Variants in CPPED1 observed in about 807,000 individuals in gnomAD.
CPPED1 encodes the protein calcineurin like phosphoesterase domain containing 1.
CPPED1 carries 28 observed loss-of-function variants against 28.0 expected under a neutral mutation model. That is an observed-to-expected ratio of 1.00 (90% CI 0.74 to 1.37). The LOEUF (loss-of-function observed/expected upper bound fraction) is 1.37. CPPED1 is among the 40% of genes most tolerant of loss of function. The probability of loss-of-function intolerance (pLI) is 0.00; values close to 1 mark genes in which losing one functional copy is unlikely to be tolerated. For synonymous variants in CPPED1, 198 were observed against 180.2 expected (o/e 1.10, Z -0.79); for missense variants, 504 against 416.5 (o/e 1.21, Z -1.83).
chr16:12,678,232 G>A (rs532942364), intron 3 of CPPED1, among the ~76,000 whole-genome samples: 1 of 152,314 alleles, frequency 6.6e-6, no homozygotes, highest in Non-Finnish European at 1.5e-5. Flanking sequence ...AGTGAATTGT[G>A]TTAGTGAACA....
At chr16:12,729,936 A>T (rs1157112125) in intron 2 of CPPED1, among the ~76,000 whole-genome samples, 1 of 152,106 alleles carries the variant, frequency 6.6e-6, no homozygotes, top group African/African-American at 2.4e-5. Flanking sequence ...ACCACAGCTC[A>T]CTGCAACCTC....
chr16:12,686,225 T>C (rs2079932158), intron 3 of CPPED1, among the ~76,000 whole-genome samples: 1 of 136,276 alleles, frequency 7.3e-6, no homozygotes, highest in Non-Finnish European at 1.5e-5. Flanking sequence ...TGTTTATTAA[T>C]TGTATATATA....
chr16:12,712,075 T>C (rs72779050), intron 2 of CPPED1, among the ~76,000 whole-genome samples: 22,338 of 152,162 alleles, frequency 0.15, 1,799 homozygotes, highest in Admixed American at 0.18. Flanking sequence ...GTTGACATCC[T>C]AGCCCAGAGC....
At chr16:12,737,567 C>T (rs1019306380) in intron 2 of CPPED1, among the ~76,000 whole-genome samples, 7 of 152,156 alleles carry the variant, frequency 4.6e-5, no homozygotes, top group Non-Finnish European at 7.3e-5. Flanking sequence ...CAGGGCTGAG[C>T]GTTTGAATAA....
At chr16:12,684,498 C>T (rs575096289) in intron 3 of CPPED1, among the ~76,000 whole-genome samples, 2 of 152,306 alleles carry the variant, frequency 1.3e-5, no homozygotes, top group South Asian at 2.1e-4. Flanking sequence ...CAGTACAGGA[C>T]GAGCTATTTT....
At chr16:12,777,999 G>A (rs372315725) in intron 2 of CPPED1, among the ~76,000 whole-genome samples, 29 of 147,280 alleles carry the variant, frequency 2.0e-4, no homozygotes, top group African/African-American at 5.5e-4. Flanking sequence ...ATTCTCCACC[G>A]CCTGGGTTCA....
intron 3 of CPPED1, among the ~76,000 whole-genome samples, chr16:12,683,165 G>A (rs1271977578): frequency 2.0e-5 from 3 of 152,300 alleles, no homozygotes; most frequent in Admixed American, 6.5e-5. Flanking sequence ...AAAACGTAAG[G>A]ACCTTGGGTA....
At chr16:12,735,805 G>A (rs898438787) in intron 2 of CPPED1, among the ~76,000 whole-genome samples, 9 of 152,202 alleles carry the variant, frequency 5.9e-5, no homozygotes, top group Non-Finnish European at 1.3e-4. Context: ...CAAAGGTGCC[G>A]TGAGAAGTCT....
chr16:12,716,161 T>C (rs1291326783), intron 2 of CPPED1, among the ~76,000 whole-genome samples: 1 of 152,258 alleles, frequency 6.6e-6, no homozygotes, highest in Non-Finnish European at 1.5e-5. Flanking sequence ...ATTGTGAATG[T>C]CACTGGACAT....
At chr16:12,763,251 A>C (rs1203100414) in intron 2 of CPPED1, among the ~76,000 whole-genome samples, 2 of 151,532 alleles carry the variant, frequency 1.3e-5, no homozygotes, top group African/African-American at 4.8e-5. Flanking sequence ...AAAAAAAGAA[A>C]TGAGGTCTCA....
chr16:12,720,572 C>G (rs559197654), intron 2 of CPPED1, among the ~76,000 whole-genome samples: 2 of 152,222 alleles, frequency 1.3e-5, no homozygotes, highest in African/African-American at 4.8e-5. Context: ...ACTGAAACCT[C>G]TGCCTCCTGG....
chr16:12,730,160 C>G (rs1263325875), intron 2 of CPPED1, among the ~76,000 whole-genome samples: 1 of 152,090 alleles, frequency 6.6e-6, no homozygotes, highest in Non-Finnish European at 1.5e-5. Flanking sequence ...CCACGGCCAG[C>G]TAATTTTTTT....
At chr16:12,711,035 T>C (rs550796634) in intron 2 of CPPED1, among the ~76,000 whole-genome samples, 3 of 152,340 alleles carry the variant, frequency 2.0e-5, no homozygotes, top group East Asian at 1.9e-4. Flanking sequence ...TTTGTACACC[T>C]ATGCTCACAG....
chr16:12,797,508 T>C (rs776222207), intron 1 of CPPED1, among the ~76,000 whole-genome samples: 4 of 151,296 alleles, frequency 2.6e-5, no homozygotes, highest in Non-Finnish European at 4.4e-5. Flanking sequence ...TGGGCGGAGA[T>C]CATGCCACTG....
In CPPED1 at chr16:12,774,801, G is replaced by C. The variant is rs573460647; in HGVS notation, c.289+6384C>G. 1.6e-3 allele frequency among the ~76,000 whole-genome samples: 247 copies of C among 152,048 alleles called. 1 individual carries two copies. Among genetic ancestry groups the C allele is most frequent in the African/African-American group, 5.6e-3 (234 of 41,524 alleles). ...AATGGGTTATCATGAGAGTGGGACA[G>C]GGTGCTTTTTTGTGTGTTTTTTGTT... is the stretch of plus-strand genomic sequence containing the variant. On this transcript the variant is annotated intron_variant, in intron 2 of 3. Transcript: ENST00000381774.
At chr16:12,735,380 C>T (rs1291831658) in intron 2 of CPPED1, among the ~76,000 whole-genome samples, 1 of 152,208 alleles carries the variant, frequency 6.6e-6, no homozygotes, top group Non-Finnish European at 1.5e-5. Context: ...CAAACTCCAC[C>T]TCCTGGGTTC....
At chr16:12,778,744 C>T (rs929612451) in intron 2 of CPPED1, among the ~76,000 whole-genome samples, 3 of 152,190 alleles carry the variant, frequency 2.0e-5, no homozygotes, top group African/African-American at 7.2e-5. Flanking sequence ...CCACTTATTG[C>T]ATATTAAAAA....
At chr16:12,681,144 T>G (rs1251945818) in intron 3 of CPPED1, among the ~76,000 whole-genome samples, 1 of 122,738 alleles carries the variant, frequency 8.1e-6, no homozygotes, top group African/African-American at 3.3e-5. Context: ...CCGTAAAGAA[T>G]AGCCATGCGT....
chr16:12,728,461 C>A (rs1425635537), intron 2 of CPPED1, among the ~76,000 whole-genome samples: 1 of 151,882 alleles, frequency 6.6e-6, no homozygotes, highest in African/African-American at 2.4e-5. Flanking sequence ...ATCTTGAGAT[C>A]CCCCGAGAAA....
Sources: allele counts gnomAD v4.1 joint callset (sites outside exome capture counted in the v4.1 genomes callset), GRCh38; gene constraint gnomAD v4.1.1; transcripts MANE v1.5; gene names NCBI Gene and HGNC (gene_info 2026-07-23, HGNC 2026-07-21).